Variants in DSE observed in about 807,000 individuals in gnomAD.
DSE encodes dermatan sulfate epimerase.
A neutral mutation model predicts 84.4 loss-of-function variants in DSE; 36 were observed. That is an observed-to-expected ratio of 0.43 (90% CI 0.33 to 0.56). The LOEUF (loss-of-function observed/expected upper bound fraction) is 0.56. DSE is among the 20% of genes least tolerant of loss of function. DSE has a pLI of 0.06. For missense variants in DSE, 862 were observed against 1,169.6 expected, an observed-to-expected ratio of 0.74 and a Z score of 3.84; for synonymous variants, 410 against 430.1, an observed-to-expected ratio of 0.95 and a Z score of 0.58.
intron 2 of DSE, among the ~76,000 whole-genome samples, chr6:116,325,305 T>C (rs1776554553): frequency 6.6e-6 from 1 of 152,222 alleles, no homozygotes; most frequent in Non-Finnish European, 1.5e-5. Context: ...CCATGCATGA[T>C]TTTTGAAAAA....
chr6:116,355,351 C>T (rs888704051), intron 2 of DSE, among the ~76,000 whole-genome samples: 3 of 152,198 alleles, frequency 2.0e-5, no homozygotes, highest in Admixed American at 1.3e-4. Context: ...TTGAGCACTT[C>T]AGGTATGACC....
chr6:116,403,204 A>G (rs1482008750), intron 2 of DSE, among the ~76,000 whole-genome samples: 2 of 152,150 alleles, frequency 1.3e-5, no homozygotes, highest in Non-Finnish European at 2.9e-5. Flanking sequence ...CTATCTCAGA[A>G]GCTCTCCCCC....
intron 2 of DSE, among the ~76,000 whole-genome samples, chr6:116,295,912 T>C (rs1188772554): frequency 6.6e-6 from 1 of 152,222 alleles, no homozygotes; most frequent in East Asian, 1.9e-4. Context: ...TTTATGATTA[T>C]CATAAACCAA....
chr6:116,433,026 A>C (rs1278819907), intron 4 of DSE: 1 of 312,010 alleles, frequency 3.2e-6, no homozygotes, highest in Non-Finnish European at 6.1e-6. Flanking sequence ...TGTCCCATGT[A>C]TATATGCAAA....
At chr6:116,318,569 C>A (rs937585154) in intron 2 of DSE, among the ~76,000 whole-genome samples, 1 of 151,916 alleles carries the variant, frequency 6.6e-6, no homozygotes, top group African/African-American at 2.4e-5. Flanking sequence ...TGCCCCATGG[C>A]TCTCAACTAG....
At chr6:116,368,617 A>G (rs1779303606), upstream of DSE, among the ~76,000 whole-genome samples, 2 of 152,240 alleles carry the variant, frequency 1.3e-5, no homozygotes, top group Admixed American at 1.3e-4. Context: ...CAGCTGGGTA[A>G]TATTGCTGCC....
intron 2 of DSE, among the ~76,000 whole-genome samples, chr6:116,422,800 T>C (rs1783177460): frequency 6.6e-6 from 1 of 152,228 alleles, no homozygotes; most frequent in Non-Finnish European, 1.5e-5. Flanking sequence ...TTAATACTGC[T>C]TTTGTACCAT....
intron 2 of DSE, among the ~76,000 whole-genome samples, chr6:116,336,677 C>T (rs748133351): frequency 9.2e-5 from 14 of 151,352 alleles, no homozygotes; most frequent in Non-Finnish European, 1.9e-4. Context: ...ATTGCTTGAA[C>T]CTGGGAGGCG....
chr6:116,422,688 A>G lies in DSE; in HGVS notation c.417-3886A>G, dbSNP rs970224139. Among the ~76,000 whole-genome samples, 8 of 152,336 alleles carry G rather than the reference A, an allele frequency of 5.3e-5. No homozygotes were observed. In the East Asian group the frequency reaches 1.5e-3, roughly 29 times the overall value. ...TGGCTTTAAAAATTAAACAACAACA[A>G]CAACAAAAACCTGAGTGCATGGCAG... On this transcript the variant is annotated intron_variant, in intron 2 of 5. Transcript: ENST00000644252.
chr6:116,278,600 G>C, intron 2 of DSE: 1 of 1,614,140 alleles, frequency 6.2e-7, no homozygotes, highest in East Asian at 2.2e-5. Context: ...ACTCCTTCAC[G>C]CAACAGGTAG....
intron 2 of DSE, among the ~76,000 whole-genome samples, chr6:116,414,024 G>A (rs1393173967): frequency 3.3e-5 from 5 of 152,178 alleles, no homozygotes; most frequent in African/African-American, 7.2e-5. Context: ...TTCAGGCAGC[G>A]ACAGGAAGAT....
At chr6:116,258,955 C>G in exon 2 of DSE, 3 of 1,511,820 alleles carry the variant, frequency 2.0e-6, no homozygotes, top group Non-Finnish European at 2.8e-6. Flanking sequence ...GGCATACCAC[C>G]CTGCACTGTG....
chr6:116,255,428 T>C (rs989142), intron 1 of DSE: 42,967 of 152,146 alleles, frequency 0.28, 7,330 homozygotes, highest in East Asian at 0.68. Flanking sequence ...CCTTGCAGGA[T>C]TTTTTGTATG....
At chr6:116,415,266 T>C (rs981591894) in intron 2 of DSE, among the ~76,000 whole-genome samples, 11 of 152,198 alleles carry the variant, frequency 7.2e-5, no homozygotes, top group Middle Eastern at 3.2e-3. Flanking sequence ...GGAGTCATTG[T>C]TTTATTGTAT....
At position 116,426,640 on chromosome 6, in the gene DSE, T is replaced by G. The variant is rs1554226781; in HGVS notation, c.483T>G (p.Ala161=). 3.1e-6 allele frequency: 5 copies of G among 1,614,084 alleles called. 1 individual carries two copies. The highest frequency in any genetic ancestry group is 1.7e-4 in the Middle Eastern group (1 of 6,058). Residue 161 remains alanine, a synonymous_variant, in exon 3 of 6, where the codon GCT becomes GCG. Transcript: ENST00000644252. ...LAHSLVGFAT[A]YDFLYNYLSK... ...ACTCCCTGGTTGGTTTTGCCACTGC[T>G]TATGACTTCTTGTACAACTACCTGA...
chr6:116,397,166 AT>A (rs905618019), intron 1 of DSE, among the ~76,000 whole-genome samples: 6 of 134,302 alleles, frequency 4.5e-5, no homozygotes, highest in African/African-American at 1.4e-4. Context: ...TATATACAGG[AT>A]TTTTTTTTAA....
chr6:116,310,738 C>G (rs553796453), intron 2 of DSE, among the ~76,000 whole-genome samples: 23 of 152,354 alleles, frequency 1.5e-4, no homozygotes, highest in Admixed American at 1.5e-3. Context: ...TGGTCTACAG[C>G]AAGACTCATA....
intron 2 of DSE, among the ~76,000 whole-genome samples, chr6:116,316,912 A>G (rs1247197600): frequency 6.6e-6 from 1 of 151,708 alleles, no homozygotes; most frequent in East Asian, 1.9e-4. Context: ...TACTACTAGA[A>G]ATTTTGTGAG....
intron 2 of DSE, among the ~76,000 whole-genome samples, chr6:116,331,570 G>C (rs1776935842): frequency 6.6e-6 from 1 of 152,174 alleles, no homozygotes; most frequent in Non-Finnish European, 1.5e-5. Flanking sequence ...GAGGTTCTGG[G>C]CGGGGACAGA....
Sources: allele counts gnomAD v4.1 joint callset (sites outside exome capture counted in the v4.1 genomes callset), GRCh38; gene constraint gnomAD v4.1.1; transcripts MANE v1.5; gene names NCBI Gene and HGNC (gene_info 2026-07-23, HGNC 2026-07-21).